Variants in NTRK3 observed in about 807,000 individuals in gnomAD.
The protein encoded by NTRK3 is NT-3 growth factor receptor.
Under a neutral mutation model 91.7 loss-of-function variants are expected in NTRK3, and 24 were observed. The ratio of observed to expected loss-of-function variants is 0.26; its 90% confidence interval spans 0.19 to 0.37. The LOEUF (loss-of-function observed/expected upper bound fraction) is 0.37. Ranked by LOEUF, NTRK3 falls within the 10% of genes least tolerant of loss-of-function variation. NTRK3 has a pLI of 1.00. For missense variants in NTRK3, 880 were observed against 1,068.9 expected, an observed-to-expected ratio of 0.82 and a Z score of 2.46; for synonymous variants, 483 against 404.0, an observed-to-expected ratio of 1.20 and a Z score of -2.34.
chr15:87,940,153 C>G (rs367830194), intron 15 of NTRK3, among the ~76,000 whole-genome samples: 3 of 152,134 alleles, frequency 2.0e-5, no homozygotes, highest in Admixed American at 1.3e-4. Context: ...GCTGCACCCC[C>G]CTCCCTCAAC....
At chr15:88,201,906 A>G (rs1325916660) in intron 3 of NTRK3, among the ~76,000 whole-genome samples, 5 of 152,048 alleles carry the variant, frequency 3.3e-5, no homozygotes, top group Non-Finnish European at 5.9e-5. Context: ...ACTGATAACA[A>G]CTTTATAAAA....
At chr15:87,902,841 C>G (rs993380623) in intron 17 of NTRK3, among the ~76,000 whole-genome samples, 5 of 152,056 alleles carry the variant, frequency 3.3e-5, no homozygotes, top group African/African-American at 1.2e-4. Flanking sequence ...ATCCCAGAGG[C>G]CCATGTAAAA....
intron 5 of NTRK3, among the ~76,000 whole-genome samples, chr15:88,153,495 T>A (rs2043591903): frequency 6.6e-6 from 1 of 152,166 alleles, no homozygotes; most frequent in Non-Finnish European, 1.5e-5. Context: ...CCTCAGGTGA[T>A]CCACCTGCCT....
chr15:87,979,094 T>G, intron 14 of NTRK3: 1 of 585,638 alleles, frequency 1.7e-6, no homozygotes, highest in Non-Finnish European at 3.0e-6. Flanking sequence ...CTAAAGATAG[T>G]GGCAGGAGCT....
rs1048306428 is a variant in NTRK3, at chr15:87,968,970, A to C, written c.1586-28217T>G. On this transcript the variant is annotated intron_variant, in intron 14 of 18. Coordinates refer to ENST00000394480, the Ensembl canonical transcript of NTRK3. ...CCAATCCTTCAATCAGTTTTTATTT[A>C]ACCTTTTAACATTTCTTTACTTCTT... Among the ~76,000 whole-genome samples the C allele has an allele frequency of 2.0e-5, 3 of 152,118 alleles. No individual in the cohort carries two copies. The East Asian group carries it at 5.8e-4, about 29-fold the overall frequency.
intron 13 of NTRK3, among the ~76,000 whole-genome samples, chr15:88,041,161 T>A (rs1030033171): frequency 6.6e-6 from 1 of 152,166 alleles, no homozygotes. Context: ...AATCAGTGCA[T>A]CTAGGGATGG....
At chr15:88,109,698 T>C (rs1488004504) in intron 13 of NTRK3, among the ~76,000 whole-genome samples, 1 of 152,132 alleles carries the variant, frequency 6.6e-6, no homozygotes, top group African/African-American at 2.4e-5. Context: ...GAAAATCACC[T>C]GAGCAGCTAT....
chr15:87,872,678 C>T (rs535853045), exon 19 of NTRK3: 3 of 232,742 alleles, frequency 1.3e-5, no homozygotes, highest in African/African-American at 6.6e-5. Flanking sequence ...GTCTGCCTGG[C>T]TCCCTGTACA....
At chr15:88,064,395 C>T (rs2046470673) in intron 13 of NTRK3, among the ~76,000 whole-genome samples, 2 of 152,212 alleles carry the variant, frequency 1.3e-5, no homozygotes, top group Admixed American at 1.3e-4. Context: ...AGGCCACACC[C>T]TTCCTTACTC....
intron 13 of NTRK3, among the ~76,000 whole-genome samples, chr15:88,090,935 T>C (rs2048958806): frequency 6.6e-6 from 1 of 152,194 alleles, no homozygotes; most frequent in African/African-American, 2.4e-5. Flanking sequence ...CGGCCATGCG[T>C]GCTCAAGCCA....
At chr15:88,166,573 C>T (rs1016983524) in intron 5 of NTRK3, among the ~76,000 whole-genome samples, 7 of 152,140 alleles carry the variant, frequency 4.6e-5, no homozygotes, top group African/African-American at 1.4e-4. Context: ...CCCCCAGGGA[C>T]GGAACCATGG....
intron 13 of NTRK3, among the ~76,000 whole-genome samples, chr15:88,064,232 T>C (rs1322855560): frequency 9.2e-5 from 14 of 152,256 alleles, no homozygotes; most frequent in African/African-American, 3.1e-4. Context: ...GCTCTGCTGA[T>C]ATCTTACTTT....
chr15:88,100,552 G>T (rs1010776226), intron 13 of NTRK3, among the ~76,000 whole-genome samples: 8 of 152,134 alleles, frequency 5.3e-5, no homozygotes, highest in African/African-American at 1.9e-4. Context: ...GCAGTGCAGA[G>T]AACAAAAAGA....
rs1242186133 is a variant in NTRK3, at chr15:88,233,760, C to T, written c.248+22146G>A. On this transcript the variant is annotated intron_variant, in intron 3 of 18. Transcript: ENST00000394480. This position sits in a 1 kb window ranked among gnomAD's most constrained non-coding sequence, Gnocchi z 4.2. ...TCCTTCCCTGCCCCCTTCCTCCCTA[C>T]ACCTTGCTCCTCCTCCCCTGACATC... is the stretch of plus-strand genomic sequence containing the variant. Among the ~76,000 whole-genome samples the T allele has an allele frequency of 6.6e-6, 1 of 151,894 alleles. No homozygotes were observed. The highest frequency in any genetic ancestry group is 2.4e-5 in the African/African-American group (1 of 41,276).
At chr15:88,213,419 C>T (rs111998626) in intron 3 of NTRK3, among the ~76,000 whole-genome samples, 6 of 152,290 alleles carry the variant, frequency 3.9e-5, no homozygotes, top group African/African-American at 1.4e-4. Flanking sequence ...GGGGGACAAG[C>T]TGCCCACACG....
intron 14 of NTRK3, among the ~76,000 whole-genome samples, chr15:88,026,339 A>G (rs2078036351): frequency 6.6e-6 from 1 of 152,192 alleles, no homozygotes; most frequent in Non-Finnish European, 1.5e-5. Flanking sequence ...AGGAAAAGAC[A>G]TGGAGGACCT....
At chr15:88,188,109 C>T (rs1297750955) in intron 3 of NTRK3, among the ~76,000 whole-genome samples, 1 of 152,154 alleles carries the variant, frequency 6.6e-6, no homozygotes, top group Non-Finnish European at 1.5e-5. Context: ...GAATTTATAG[C>T]AATGCCCAAG....
At chr15:88,065,515 G>A (rs1567324812) in intron 13 of NTRK3, among the ~76,000 whole-genome samples, 1 of 152,040 alleles carries the variant, frequency 6.6e-6, no homozygotes, top group East Asian at 1.9e-4. Context: ...GGAGGGAGGG[G>A]TGTTCCACAC....
At position 88,241,938 on chromosome 15, in the gene NTRK3, G is replaced by T. The variant is rs542168562; in HGVS notation, c.248+13968C>A. 6.6e-6 allele frequency among the ~76,000 whole-genome samples: 1 copy of T among 152,286 alleles called. No individual in the cohort carries two copies. Among genetic ancestry groups the T allele is most frequent in the East Asian group, 1.9e-4 (1 of 5,180 alleles). On this transcript the variant is annotated intron_variant, in intron 3 of 18. Transcript: ENST00000394480. The surrounding 1 kb of genome is among the most constrained non-coding windows in gnomAD (Gnocchi z 4.3). ...ATCCTAGAACGACAATGGAGACCTA[G>T]GGACAATGGAGACCTCAGGGGTCCT...
Sources: allele counts gnomAD v4.1 joint callset (sites outside exome capture counted in the v4.1 genomes callset), GRCh38; gene constraint gnomAD v4.1.1; non-coding constraint Gnocchi (gnomAD v3.1); transcripts MANE v1.5; gene names NCBI Gene and HGNC (gene_info 2026-07-23, HGNC 2026-07-21).